NECAB3: variants seen among roughly 807,000 people sequenced by gnomAD.
NECAB3 encodes N-terminal EF-hand calcium-binding protein 3.
In NECAB3, 38 loss-of-function variants were observed where a neutral mutation model predicts 57.2. That is an observed-to-expected ratio of 0.66 (90% CI 0.51 to 0.87). The LOEUF (loss-of-function observed/expected upper bound fraction) is 0.87. NECAB3 is among the 40% of genes least tolerant of loss of function. NECAB3 has a pLI of 0.00. For missense variants in NECAB3, 474 were observed against 527.5 expected (o/e 0.90, Z 0.99); for synonymous variants, 223 against 222.6 (o/e 1.00, Z -0.02).
At chr20:33,662,577 A>G (rs2017514717) in intron 5 of NECAB3, 1 of 1,308,198 alleles carries the variant, frequency 7.6e-7, no homozygotes, top group Middle Eastern at 2.5e-4. Flanking sequence ...TTGTATGCAG[A>G]AGTCCTAGGG....
intron 5 of NECAB3, chr20:33,663,690 A>C: frequency 1.3e-6 from 2 of 1,580,006 alleles, no homozygotes; most frequent in Non-Finnish European, 1.7e-6. Flanking sequence ...GGATGCCGGT[A>C]CTGCTGCTGC....
In NECAB3 at chr20:33,660,695, G is replaced by C. The variant is rs1161086743; in HGVS notation, c.388-300C>G. On this transcript the variant is annotated intron_variant, in intron 5 of 11. Coordinates refer to ENST00000246190, the MANE Select transcript of NECAB3 (RefSeq NM_031232.4). The surrounding 1 kb of genome is among the most constrained non-coding windows in gnomAD (Gnocchi z 4.1). ...TTCCCTGATGGGGCTACCACCTTCA[G>C]CACTGTCATAGCCAGTGAGTCCCAG... Among the ~76,000 whole-genome samples the C allele has an allele frequency of 5.3e-5, 8 of 152,176 alleles. No homozygotes were observed. Among genetic ancestry groups the C allele is most frequent in the African/African-American group, 1.7e-4 (7 of 41,438 alleles).
At chr20:33,667,785 C>T (rs775233566) in intron 5 of NECAB3, 4 of 1,612,104 alleles carry the variant, frequency 2.5e-6, no homozygotes, top group Non-Finnish European at 3.4e-6. Flanking sequence ...GCGACCTCCG[C>T]GACCCCGCCC....
chr20:33,669,030 T>G, intron 5 of NECAB3: 3 of 286,072 alleles, frequency 1.0e-5, no homozygotes, highest in East Asian at 9.5e-5. Flanking sequence ...CCCACCACAG[T>G]TGTGATGGGC....
intron 3 of NECAB3, among the ~76,000 whole-genome samples, chr20:33,669,920 A>G (rs557070751): frequency 3.3e-4 from 50 of 152,358 alleles, no homozygotes; most frequent in African/African-American, 1.1e-3. Flanking sequence ...CTCTAAGGGC[A>G]AAGATTCAGA....
At chr20:33,674,979 G>A (rs3213186), upstream of NECAB3, among the ~76,000 whole-genome samples, 382 of 152,104 alleles carry the variant, frequency 2.5e-3, 2 homozygotes, top group African/African-American at 8.2e-3. Context: ...AAGAGGAGGT[G>A]TCACTTCGGT....
In NECAB3 at chr20:33,660,227, T is replaced by C. The variant is rs1476514437; in HGVS notation, c.524+32A>G. 2 of 1,605,940 alleles carry C rather than the reference T, an allele frequency of 1.2e-6. No homozygotes were observed. The highest frequency in any genetic ancestry group is 1.7e-6 in the Non-Finnish European group (2 of 1,175,226). On this transcript the variant is annotated intron_variant, in intron 6 of 11. Transcript: ENST00000246190. This position sits in a 1 kb window ranked among gnomAD's most constrained non-coding sequence, Gnocchi z 4.1. ...GGGGGTACAATGGGCGCTTGTGCAC[T>C]AGCCCCACAGGTTGACAGCACCCTT...
chr20:33,667,866 C>T, intron 5 of NECAB3: 2 of 1,602,980 alleles, frequency 1.2e-6, no homozygotes, highest in Non-Finnish European at 1.7e-6. Context: ...GCTTCCGCTG[C>T]CCCGAACCCA....
At chr20:33,674,479 C>A, upstream of NECAB3, 1 of 851,522 alleles carries the variant, frequency 1.2e-6, no homozygotes, top group East Asian at 1.1e-4. Flanking sequence ...CCGCCCCCGC[C>A]CCGCCCCCGC....
chr20:33,661,088 T>C (rs918941460), intron 5 of NECAB3, among the ~76,000 whole-genome samples: 1 of 152,192 alleles, frequency 6.6e-6, no homozygotes, highest in African/African-American at 2.4e-5. Flanking sequence ...TTTCCTCATC[T>C]ATCAAACAGG....
At chr20:33,667,497 C>A in intron 5 of NECAB3, 1 of 1,491,684 alleles carries the variant, frequency 6.7e-7, no homozygotes, top group South Asian at 1.3e-5. Context: ...CCGCGTGCCA[C>A]ATGGCTAGCA....
intron 1 of NECAB3, among the ~76,000 whole-genome samples, chr20:33,673,683 G>A (rs1250398957): frequency 6.6e-6 from 1 of 152,128 alleles, no homozygotes; most frequent in African/African-American, 2.4e-5. Context: ...AGGGGGCCAG[G>A]ACAGAGCCGA....
chr20:33,669,298 G>T, intron 5 of NECAB3, 77 bp downstream of exon 5: 1 of 1,458,874 alleles, frequency 6.9e-7, no homozygotes, highest in Non-Finnish European at 9.6e-7. Flanking sequence ...CCTGAGTCAA[G>T]ACTGTGGAGG....
chr20:33,669,455 G>A lies in NECAB3; in HGVS notation c.307C>T (p.Leu103=). The part of the protein sequence containing the change: ...EKLCDYFSEH[L]GVYRPVLAAL... ...GCCAGCACCGGCCGGTAGACACCCAGGTGCTCTGAGAAGTAGTCTGCAGGC... is the reference window on the plus strand; with the variant it reads ...GCCAGCACCGGCCGGTAGACACCCAAGTGCTCTGAGAAGTAGTCTGCAGGC... The change falls in exon 5 of 12, where the codon CTG becomes TTG. Residue 103 remains leucine (L), a synonymous_variant. Transcript: ENST00000246190. 2 of 1,613,698 alleles carry A rather than the reference G, an allele frequency of 1.2e-6. No homozygotes were observed. The highest frequency in any genetic ancestry group is 8.5e-7 in the Non-Finnish European group (1 of 1,180,014).
intron 2 of NECAB3, among the ~76,000 whole-genome samples, chr20:33,671,660 C>CA (rs1411190638): frequency 1.3e-5 from 2 of 152,170 alleles, no homozygotes; most frequent in African/African-American, 2.4e-5. Context: ...TGGGCTGCTC[C>CA]AAGTCATCTA....
chr20:33,674,518 C>T, upstream of NECAB3: 3 of 603,922 alleles, frequency 5.0e-6, no homozygotes, highest in South Asian at 7.3e-5. Context: ...CCTCAAGGTC[C>T]AACTCCAGCG....
chr20:33,663,732 G>T (rs955633227), intron 5 of NECAB3: 5 of 1,531,994 alleles, frequency 3.3e-6, no homozygotes, highest in African/African-American at 1.4e-5. Context: ...GGCCGGAAGA[G>T]GGCGGGGCCA....
In NECAB3 at chr20:33,658,570, G is replaced by A; in HGVS notation, c.993-16C>T. On this transcript the variant is annotated splice_polypyrimidine_tract_variant and intron_variant, in intron 9 of 11. Coordinates refer to ENST00000246190, the MANE Select transcript of NECAB3 (RefSeq NM_031232.4). ...GGCGGACACACTGTAGGGCCAAAGA[G>A]ATGGGCAGGCCAGGCCAGGGCTGCC... is the stretch of plus-strand genomic sequence containing the variant. The A allele has an allele frequency of 6.2e-7, 1 of 1,613,946 alleles. No individual in the cohort carries two copies. The highest frequency in any genetic ancestry group is 8.5e-7 in the Non-Finnish European group (1 of 1,179,922).
rs199763056 is a variant in NECAB3, at chr20:33,663,757, T to G, written c.388-3362A>C. 10 of 1,460,006 alleles carry G rather than the reference T, an allele frequency of 6.8e-6. No homozygotes were observed. Among genetic ancestry groups the G allele is most frequent in the African/African-American group, 1.5e-5 (1 of 67,558 alleles). 90.4% of individuals were successfully genotyped at this position (1,460,006 alleles called of 1,614,324 possible). A position where few individuals can be genotyped will look rare whatever the true frequency, so the allele number is the denominator to read the frequency against. On this transcript the variant is annotated intron_variant, in intron 5 of 11. Transcript: ENST00000246190. ...GGGCGGGGCCAGGGCAGCTCTGAGC[T>G]GGCCGCGGCTGCTCTCGCGCTTCCG...
Sources: allele counts gnomAD v4.1 joint callset (sites outside exome capture counted in the v4.1 genomes callset), GRCh38; gene constraint gnomAD v4.1.1; non-coding constraint Gnocchi (gnomAD v3.1); transcripts MANE v1.5; gene names NCBI Gene and HGNC (gene_info 2026-07-23, HGNC 2026-07-21).